PCDH9: variants seen among roughly 807,000 people sequenced by gnomAD.
The protein encoded by PCDH9 is protocadherin 9, also known as protocadherin-9.
In PCDH9, 24 loss-of-function variants were observed where a neutral mutation model predicts 70.6. The observed-to-expected ratio is 0.34, with a 90% CI of 0.25 to 0.48. PCDH9 has a LOEUF of 0.48. Ranked by LOEUF, PCDH9 falls within the 20% of genes least tolerant of loss-of-function variation. The pLI is 0.99. For synonymous variants in PCDH9, 562 were observed against 558.5 expected (o/e 1.01, Z -0.09); for missense variants, 1,281 against 1,503.6 (o/e 0.85, Z 2.45).
intron 2 of PCDH9, among the ~76,000 whole-genome samples, chr13:67,145,088 G>A (rs949847173): frequency 7.9e-5 from 12 of 152,024 alleles, no homozygotes; most frequent in Admixed American, 2.6e-4. Flanking sequence ...ACAGGGGAAT[G>A]AAAGTCCTTT....
chr13:66,478,631 C>T (rs1958777265), intron 4 of PCDH9, among the ~76,000 whole-genome samples: 1 of 152,154 alleles, frequency 6.6e-6, no homozygotes, highest in Non-Finnish European at 1.5e-5. Context: ...ATCAAACTGG[C>T]CACAACTTTT....
chr13:67,105,072 C>T (rs1414269899), intron 2 of PCDH9, among the ~76,000 whole-genome samples: 1 of 152,118 alleles, frequency 6.6e-6, no homozygotes, highest in East Asian at 1.9e-4. Flanking sequence ...GCCACTAACA[C>T]TCTTTCAAGA....
At chr13:66,773,756 T>C (rs1183744717) in intron 3 of PCDH9, among the ~76,000 whole-genome samples, 1 of 151,754 alleles carries the variant, frequency 6.6e-6, no homozygotes, top group Non-Finnish European at 1.5e-5. Context: ...TGAATAATTG[T>C]CCCTGGACCA....
chr13:66,609,979 A>G (rs1352040283), intron 4 of PCDH9, among the ~76,000 whole-genome samples: 1 of 125,462 alleles, frequency 8.0e-6, no homozygotes, highest in Non-Finnish European at 1.6e-5. Flanking sequence ...TTTTTTTGAG[A>G]CGGAGTCTCG....
rs547318844 is a variant in PCDH9 at position 66,625,595 on chromosome 13, T to C, written c.3340+5615A>G. ...CTTTGAAATGTTAATATATGTTGGG[T>C]TTTTTTTTCATATATACATATATGT... On this transcript the variant is annotated intron_variant, in intron 4 of 4. Coordinates refer to ENST00000377865, the MANE Select transcript of PCDH9 (RefSeq NM_203487.3). 2.7e-5 allele frequency among the ~76,000 whole-genome samples: 4 copies of C among 147,780 alleles called. No individual in the cohort carries two copies. The South Asian group carries it at 8.3e-4, about 31-fold the overall frequency.
At chr13:66,506,148 A>T (rs1959211359) in intron 4 of PCDH9, among the ~76,000 whole-genome samples, 1 of 152,152 alleles carries the variant, frequency 6.6e-6, no homozygotes, top group Non-Finnish European at 1.5e-5. Flanking sequence ...TGCCTTCCTT[A>T]TCCTTGTCAA....
Position 66,980,742 on chromosome 13 carries a change from G to GTT in PCDH9, c.3037-77139_3037-77138dup, listed in dbSNP as rs550869529. Among the ~76,000 whole-genome samples the GTT allele has an allele frequency of 7.5e-5, 8 of 107,378 alleles. 1 individual carries two copies. Among genetic ancestry groups the GTT allele is most frequent in the Non-Finnish European group, 3.6e-5 (2 of 55,070 alleles). 70.4% of individuals were successfully genotyped at this position (107,378 alleles called of 152,430 possible). ...TGTTTTTTTCTTTGTTTTTTTTTTT[G>GTT]TTTTTTTTTTTACTATTTTATATCC... On this transcript the variant is annotated intron_variant, in intron 2 of 4. Transcript: ENST00000377865.
chr13:66,804,143 C>T (rs377024073), intron 3 of PCDH9, among the ~76,000 whole-genome samples: 1 of 152,196 alleles, frequency 6.6e-6, no homozygotes, highest in Non-Finnish European at 1.5e-5. Flanking sequence ...ATTTAATTTA[C>T]TCATACACAT....
At chr13:66,373,713 A>G (rs775439495) in intron 4 of PCDH9, among the ~76,000 whole-genome samples, 1 of 152,080 alleles carries the variant, frequency 6.6e-6, no homozygotes, top group Non-Finnish European at 1.5e-5. Flanking sequence ...TTTGATCTAT[A>G]TAAGAGTAGG....
intron 3 of PCDH9, among the ~76,000 whole-genome samples, chr13:66,896,225 A>G (rs147391861): frequency 2.0e-5 from 3 of 152,306 alleles, no homozygotes; most frequent in African/African-American, 7.2e-5. Flanking sequence ...ACTGGTGGAA[A>G]ATCTGATAAC....
intron 3 of PCDH9, among the ~76,000 whole-genome samples, chr13:66,817,017 TA>T (rs946225583): frequency 3.3e-5 from 5 of 151,134 alleles, no homozygotes; most frequent in African/African-American, 1.2e-4. Context: ...AAAACACCAT[TA>T]AAAAATACAA....
At chr13:66,695,641 C>T (rs530686353) in intron 3 of PCDH9, among the ~76,000 whole-genome samples, 61 of 152,170 alleles carry the variant, frequency 4.0e-4, no homozygotes, top group African/African-American at 1.3e-3. Flanking sequence ...TTAAAATAAC[C>T]AATATAGCTT....
At chr13:66,331,121 G>A (rs542569502) in intron 4 of PCDH9, among the ~76,000 whole-genome samples, 2 of 152,284 alleles carry the variant, frequency 1.3e-5, no homozygotes, top group Admixed American at 6.5e-5. Context: ...ATGTCTGTGT[G>A]TATGTGCGTG....
At chr13:66,458,407 A>G (rs1252127159) in intron 4 of PCDH9, among the ~76,000 whole-genome samples, 2 of 152,060 alleles carry the variant, frequency 1.3e-5, no homozygotes, top group Non-Finnish European at 2.9e-5. Context: ...AAATAAATCT[A>G]TGTATTGGAT....
At chr13:66,421,823 G>T (rs1566312921) in intron 4 of PCDH9, among the ~76,000 whole-genome samples, 1 of 152,098 alleles carries the variant, frequency 6.6e-6, no homozygotes, top group Non-Finnish European at 1.5e-5. Context: ...AAACTGAAAT[G>T]TTAACAGGCT....
intron 2 of PCDH9, chr13:67,204,929 A>G (rs899637441): frequency 2.6e-5 from 4 of 152,194 alleles, no homozygotes; most frequent in African/African-American, 7.2e-5. Flanking sequence ...CTCTTCCATG[A>G]AAATCTGCTA....
At chr13:67,025,266 C>T (rs886457007) in intron 2 of PCDH9, among the ~76,000 whole-genome samples, 1 of 151,990 alleles carries the variant, frequency 6.6e-6, no homozygotes, top group Non-Finnish European at 1.5e-5. Context: ...AAAGCCAGGC[C>T]ATGTGGTACA....
intron 3 of PCDH9, among the ~76,000 whole-genome samples, chr13:66,643,499 CCCTATGGCTTTTTAGTTAGTCTGT>C (rs1163083861): frequency 6.6e-6 from 1 of 152,012 alleles, no homozygotes; most frequent in Non-Finnish European, 1.5e-5. Flanking sequence ...CCGCTACTTG[CCCTATGGCTTTTTAGTTAGTCTGT>C]CCTTTGAAAA....
At chr13:66,458,923 G>A (rs1226352164) in intron 4 of PCDH9, among the ~76,000 whole-genome samples, 1 of 151,974 alleles carries the variant, frequency 6.6e-6, no homozygotes, top group Non-Finnish European at 1.5e-5. Flanking sequence ...TTTATGCAGT[G>A]GAAAAATCTA....
Sources: allele counts gnomAD v4.1 joint callset (sites outside exome capture counted in the v4.1 genomes callset), GRCh38; gene constraint gnomAD v4.1.1; transcripts MANE v1.5; gene names NCBI Gene and HGNC (gene_info 2026-07-23, HGNC 2026-07-21).